Variants in ZBTB10 observed in about 807,000 individuals in gnomAD.
The protein encoded by ZBTB10 is zinc finger and BTB domain containing 10, also known as zinc finger and BTB domain-containing protein 10.
ZBTB10 carries 32 observed loss-of-function variants against 76.4 expected under a neutral mutation model. That is an observed-to-expected ratio of 0.42 (90% CI 0.32 to 0.56). ZBTB10 has a LOEUF of 0.56. Ranked by LOEUF, ZBTB10 falls within the 20% of genes least tolerant of loss-of-function variation. The pLI, the probability that ZBTB10 is intolerant of heterozygous loss-of-function variation, is 0.14. For missense variants in ZBTB10, 1,057 were observed against 1,098.5 expected, an observed-to-expected ratio of 0.96 and a Z score of 0.53; for synonymous variants, 523 against 432.9, an observed-to-expected ratio of 1.21 and a Z score of -2.58.
In ZBTB10 at chr8:80,499,878, C is replaced by G. The variant is rs756318721; in HGVS notation, c.1357C>G (p.Gln453Glu). 9 of 1,613,714 alleles carry G rather than the reference C, an allele frequency of 5.6e-6. No individual in the cohort carries two copies. In the African/African-American group the frequency reaches 1.2e-4, roughly 22 times the overall value. ...ASYLQMSEVV[Q>E]TCRNFIKDAL... ...CTATCTTCAAATGAGTGAAGTTGTT[C>G]AAACTTGCCGAAATTTCATTAAAGA... The change falls in exon 2 of 6, where the codon CAA becomes GAA. Residue 453 changes from glutamine (Q) to glutamate (E), a missense_variant. Coordinates refer to ENST00000455036, the MANE Select transcript of ZBTB10 (RefSeq NM_001105539.3).
Position 80,499,474 on chromosome 8 carries a change from T to C in ZBTB10, c.973-20T>C. ...AAAAGTCAATAAAGTTTAATATTAA[T>C]GTTTTTTATCCAATTACAGGAGTCA... On this transcript the variant is annotated intron_variant, in intron 1 of 5. Coordinates refer to ENST00000455036, the MANE Select transcript of ZBTB10 (RefSeq NM_001105539.3). The C allele has an allele frequency of 6.5e-7, 1 of 1,538,544 alleles. No homozygotes were observed. The highest frequency in any genetic ancestry group is 8.7e-7 in the Non-Finnish European group (1 of 1,145,498).
chr8:80,524,468 T>A lies in ZBTB10; in HGVS notation c.*4940T>A, dbSNP rs371686204. ...GTTGTATATTTGTGGACTGATTGAC[T>A]ACAAGTGATGTGATGTTATAAATTT... On this transcript the variant is annotated 3_prime_UTR_variant, in exon 6 of 6. Coordinates refer to ENST00000455036, the MANE Select transcript of ZBTB10 (RefSeq NM_001105539.3). 1.3e-5 allele frequency: 2 copies of A among 152,104 alleles called. 1 individual carries two copies. Among genetic ancestry groups the A allele is most frequent in the East Asian group, 3.8e-4 (2 of 5,202 alleles). 9.4% of individuals were successfully genotyped at this position (152,104 alleles called of 1,614,324 possible).
chr8:80,500,978 T>C (rs1815910333), intron 2 of ZBTB10, among the ~76,000 whole-genome samples: 1 of 152,210 alleles, frequency 6.6e-6, no homozygotes, highest in Admixed American at 6.5e-5. Context: ...ACGATTCTCC[T>C]GCCTCAGCCT....
Position 80,518,514 on chromosome 8 carries a change from C to A in ZBTB10, c.2072C>A (p.Ala691Asp). 1 of 1,553,288 alleles carries A rather than the reference C, an allele frequency of 6.4e-7. No individual in the cohort carries two copies. The change falls in exon 4 of 6, where the codon GCT (alanine) becomes GAT (aspartate). Residue 691 changes from alanine (A) to aspartate (D), a missense_variant. Ala to Asp is a moderately radical substitution (Grantham distance 126). Transcript: ENST00000455036. ...NDFKYGLIPGASNDFKYGLLP... is the reference protein window; with the variant it reads ...NDFKYGLIPGDSNDFKYGLLP... ...TTCAAGTATGGATTGATACCAGGTGCTTCAAATGATTTCAAGTATGGATTA... is the reference window on the plus strand; with the variant it reads ...TTCAAGTATGGATTGATACCAGGTGATTCAAATGATTTCAAGTATGGATTA...
chr8:80,500,653 G>A (rs537018047), intron 2 of ZBTB10, among the ~76,000 whole-genome samples: 6 of 152,228 alleles, frequency 3.9e-5, no homozygotes, highest in South Asian at 4.2e-4. Flanking sequence ...CTGCATGTAC[G>A]GGTCTTTGAC....
intron 1 of ZBTB10, among the ~76,000 whole-genome samples, chr8:80,489,547 A>G (rs201726833): frequency 6.6e-6 from 1 of 152,330 alleles, no homozygotes; most frequent in East Asian, 1.9e-4. Context: ...TGGGAATGCA[A>G]ATTATAATTA....
At chr8:80,487,880 A>G in intron 1 of ZBTB10, 98 bp downstream of exon 1, 2 of 1,352,072 alleles carry the variant, frequency 1.5e-6, no homozygotes, top group Non-Finnish European at 2.0e-6. Context: ...AAACCTCAAA[A>G]CCATTTTCCT....
At chr8:80,504,334 G>A (rs920461880) in intron 2 of ZBTB10, among the ~76,000 whole-genome samples, 7 of 152,136 alleles carry the variant, frequency 4.6e-5, no homozygotes, top group South Asian at 4.2e-4. Context: ...TGGATTTGGC[G>A]GGGGTCTCTT....
At chr8:80,509,029 C>T (rs1374338515) in intron 2 of ZBTB10, among the ~76,000 whole-genome samples, 1 of 152,094 alleles carries the variant, frequency 6.6e-6, no homozygotes, top group East Asian at 1.9e-4. Context: ...TGAGCCTAGT[C>T]TAAGTAAGAT....
rs200399313 is a variant in ZBTB10, at chr8:80,494,558, AC to A, written c.973-4935del. 8.1e-3 allele frequency among the ~76,000 whole-genome samples: 1,232 copies of A among 152,176 alleles called. 15 individuals carry two copies. The highest frequency in any genetic ancestry group is 0.028 in the African/African-American group (1,145 of 41,510). ...AGACTATTTTTCTAGGCTCTGCTTCACACCTCATTGACACCTATCTTCCCTA... is the reference window on the plus strand; with the variant it reads ...AGACTATTTTTCTAGGCTCTGCTTCAACCTCATTGACACCTATCTTCCCTA... On this transcript the variant is annotated intron_variant, in intron 1 of 5. Transcript: ENST00000455036.
At chr8:80,490,298 C>T (rs1815591984) in intron 1 of ZBTB10, among the ~76,000 whole-genome samples, 1 of 152,222 alleles carries the variant, frequency 6.6e-6, no homozygotes, top group African/African-American at 2.4e-5. Flanking sequence ...CTCTATTGCC[C>T]AGGCTGGAGT....
At position 80,520,631 on chromosome 8, in the gene ZBTB10, G is replaced by A. The variant is rs1014398975; in HGVS notation, c.*1103G>A. The A allele has an allele frequency of 1.3e-5, 2 of 151,954 alleles. No homozygotes were observed. The highest frequency in any genetic ancestry group is 2.4e-5 in the African/African-American group (1 of 41,364). The allele number at this position is 151,954 out of a possible 1,614,324, so 9.4% of individuals were successfully genotyped here. A position where few individuals can be genotyped will look rare whatever the true frequency, so the allele number is the denominator to read the frequency against. ...CATTCTCTTTTGTTTCATACTTAGC[G>A]GGATATTGATTGTTTTGAAATTATG... is the stretch of plus-strand genomic sequence containing the variant. On this transcript the variant is annotated 3_prime_UTR_variant, in exon 6 of 6. Transcript: ENST00000455036.
Position 80,486,362 on chromosome 8 carries a change from C to T in ZBTB10, c.-449C>T. The T allele has an allele frequency of 2.0e-6, 2 of 989,932 alleles. No individual in the cohort carries two copies. The highest frequency in any genetic ancestry group is 4.6e-5 in the South Asian group (1 of 21,780). 61.3% of individuals were successfully genotyped at this position (989,932 alleles called of 1,614,324 possible). On this transcript the variant is annotated 5_prime_UTR_variant, in exon 1 of 6. Coordinates refer to ENST00000455036, the MANE Select transcript of ZBTB10 (RefSeq NM_001105539.3). ...GCGCCTGCGAAGCCGGCGGCGGCGT[C>T]GGGACTCCTCGGCGCGCGGAGGAAG...
At chr8:80,490,424 C>T (rs1024578014) in intron 1 of ZBTB10, among the ~76,000 whole-genome samples, 3 of 151,878 alleles carry the variant, frequency 2.0e-5, no homozygotes, top group Non-Finnish European at 4.4e-5. Context: ...TTTGTTGAAA[C>T]GGGAGTCTCG....
intron 2 of ZBTB10, among the ~76,000 whole-genome samples, chr8:80,506,202 A>C (rs1816047821): frequency 6.6e-6 from 1 of 152,128 alleles, no homozygotes; most frequent in South Asian, 2.1e-4. Context: ...AAATTCTGAA[A>C]TCTTAATAGT....
At position 80,486,918 on chromosome 8, in the gene ZBTB10, AGCTTGGCCTCC is replaced by A; in HGVS notation, c.111_121del (p.Trp38AlafsTer18). ...ACAATAACGCTGGCGGGGAGGCCTC[AGCTTGGCCTCC>A]GCAGCCCCAGCCGAGACAGCCCCCG... On this transcript the variant is annotated frameshift_variant, in exon 1 of 6. Transcript: ENST00000455036. LOFTEE classifies it high-confidence loss of function. The A allele has an allele frequency of 1.3e-6, 2 of 1,507,296 alleles. No homozygotes were observed. Among genetic ancestry groups the A allele is most frequent in the Non-Finnish European group, 1.8e-6 (2 of 1,131,976 alleles). 93.4% of individuals were successfully genotyped at this position (1,507,296 alleles called of 1,614,324 possible). A position where few individuals can be genotyped will look rare whatever the true frequency, so the allele number is the denominator to read the frequency against.
intron 2 of ZBTB10, among the ~76,000 whole-genome samples, chr8:80,510,639 A>AGTGTGGGG (rs60169757): frequency 0.04 from 4,970 of 125,758 alleles, 236 homozygotes; most frequent in African/African-American, 0.13. Flanking sequence ...TTGTGAAACC[A>AGTGTGGGG]GTGTGTGTGT....
At chr8:80,492,870 G>A (rs1815666922) in intron 1 of ZBTB10, among the ~76,000 whole-genome samples, 3 of 152,090 alleles carry the variant, frequency 2.0e-5, no homozygotes, top group African/African-American at 7.2e-5. Context: ...TAATTAATAG[G>A]TGTTGACCAG....
At chr8:80,505,957 C>G (rs1310738073) in intron 2 of ZBTB10, among the ~76,000 whole-genome samples, 1 of 143,590 alleles carries the variant, frequency 7.0e-6, no homozygotes, top group African/African-American at 2.6e-5. Flanking sequence ...GGTGAAGTCT[C>G]GCTTTGTTGC....
Sources: allele counts gnomAD v4.1 joint callset (sites outside exome capture counted in the v4.1 genomes callset), GRCh38; gene constraint gnomAD v4.1.1; transcripts MANE v1.5; gene names NCBI Gene and HGNC (gene_info 2026-07-23, HGNC 2026-07-21).